The following RPTOR variants were observed in gnomAD, a reference collection of about 807,000 sequenced individuals.
RPTOR encodes regulatory associated protein of MTOR complex 1.
Under a neutral mutation model 169.9 loss-of-function variants are expected in RPTOR, and 21 were observed. The ratio of observed to expected loss-of-function variants is 0.12; its 90% CI spans 0.09 to 0.18. The LOEUF is 0.18. Ranked by LOEUF, RPTOR falls within the 10% of genes least tolerant of loss-of-function variation. The probability of loss-of-function intolerance (pLI) is 1.00; values close to 1 mark genes in which losing one functional copy is unlikely to be tolerated. For missense variants in RPTOR, 1,133 were observed against 1,855.9 expected (o/e 0.61, Z 7.16); for synonymous variants, 732 against 753.2 (o/e 0.97, Z 0.46).
chr17:80,795,790 C>A (rs1206164461), intron 7 of RPTOR, among the ~76,000 whole-genome samples: 6 of 152,114 alleles, frequency 3.9e-5, no homozygotes, highest in African/African-American at 1.2e-4. Flanking sequence ...GGACACCACT[C>A]GGCTCTCATC....
Position 80,878,342 on chromosome 17 carries a change from C to T in RPTOR, c.1510-2073C>T, listed in dbSNP as rs1013346572. Among the ~76,000 whole-genome samples the T allele has an allele frequency of 6.6e-6, 1 of 152,114 alleles. No homozygotes were observed. Among genetic ancestry groups the T allele is most frequent in the Non-Finnish European group, 1.5e-5 (1 of 68,022 alleles). ...GTGGTTTCATCTCTGACTCCACGAC[C>T]TGAGCACAGATTTTTTTTTTTTGAG... is the stretch of plus-strand genomic sequence containing the variant. On this transcript the variant is annotated intron_variant, in intron 13 of 33. Transcript: ENST00000306801. The surrounding 1 kb of genome is among the most constrained non-coding windows in gnomAD (Gnocchi z 4.1).
At chr17:80,864,584 T>C (rs1408020931) in intron 13 of RPTOR, among the ~76,000 whole-genome samples, 1 of 152,200 alleles carries the variant, frequency 6.6e-6, no homozygotes, top group African/African-American at 2.4e-5. Flanking sequence ...TAAAGACTTT[T>C]AAAGACATAC....
At position 80,700,739 on chromosome 17, in the gene RPTOR, G is replaced by GTGA. The variant is rs796316577; in HGVS notation, c.349-7100_349-7099insATG. On this transcript the variant is annotated intron_variant, in intron 3 of 33. Transcript: ENST00000306801. ...GGTGGTGGTGGTGGTGATGATGGTG[G>GTGA]TGGTGGTGGTGGTGATGATGGTGAT... 1.4e-3 allele frequency among the ~76,000 whole-genome samples: 15 copies of GTGA among 10,670 alleles called. 1 individual carries two copies. The highest frequency in any genetic ancestry group is 1.2e-3 in the Non-Finnish European group (6 of 4,972). The allele number at this position is 10,670 out of a possible 152,430, so 7.0% of individuals were successfully genotyped here.
At chr17:80,774,359 C>A (rs550689303) in intron 6 of RPTOR, 1 of 984,908 alleles carries the variant, frequency 1.0e-6, no homozygotes, top group South Asian at 4.7e-5. Context: ...TATCATATTT[C>A]ACAATCCACA....
chr17:80,638,933 C>T (rs71389764), intron 2 of RPTOR, among the ~76,000 whole-genome samples: 2 of 152,198 alleles, frequency 1.3e-5, no homozygotes, highest in African/African-American at 2.4e-5. Flanking sequence ...GTACGGCTCC[C>T]GTCCTAGTCC....
At chr17:80,945,584 T>A in intron 25 of RPTOR, 83 bp from the exon 26 acceptor site, 1 of 858,102 alleles carries the variant, frequency 1.2e-6, no homozygotes, top group Non-Finnish European at 1.8e-6. Context: ...AGAGCGAGAC[T>A]CCGTCTCAAA....
At chr17:80,744,976 T>C (rs1192519523) in intron 5 of RPTOR, among the ~76,000 whole-genome samples, 3 of 152,258 alleles carry the variant, frequency 2.0e-5, no homozygotes, top group Non-Finnish European at 4.4e-5. Flanking sequence ...AGCAGAGCCC[T>C]GGTTACTAGC....
In RPTOR at chr17:80,620,857, G is replaced by A. The variant is rs542602518; in HGVS notation, c.163-4834G>A. Among the ~76,000 whole-genome samples, 3 of 152,334 alleles carry A rather than the reference G, an allele frequency of 2.0e-5. No homozygotes were observed. The South Asian group carries it at 6.2e-4, about 32-fold the overall frequency. ...CAAGACGTATTTTTTTTGGCTTAAG[G>A]ATATGTGATAGTACTGTCTTTTGCC... is the stretch of plus-strand genomic sequence containing the variant. On this transcript the variant is annotated intron_variant, in intron 1 of 33. Transcript: ENST00000306801.
At chr17:80,660,101 T>C (rs893277073) in intron 3 of RPTOR, among the ~76,000 whole-genome samples, 2 of 152,000 alleles carry the variant, frequency 1.3e-5, no homozygotes, top group Admixed American at 6.6e-5. Context: ...TGAAACCCTG[T>C]CTCTACTAAA....
At chr17:80,842,168 G>GAGCCAGACTC (rs2067678458) in intron 10 of RPTOR, among the ~76,000 whole-genome samples, 2 of 152,244 alleles carry the variant, frequency 1.3e-5, no homozygotes, top group Non-Finnish European at 2.9e-5. Flanking sequence ...CTCACTAACA[G>GAGCCAGACTC]TGCTGGCTAG....
chr17:80,736,934 CT>C (rs1417443056), intron 5 of RPTOR, among the ~76,000 whole-genome samples: 1 of 152,334 alleles, frequency 6.6e-6, no homozygotes, highest in East Asian at 1.9e-4. Context: ...CTGTATTTCT[CT>C]TTCAAGCAAT....
intron 33 of RPTOR, 105 bp from the exon 34 acceptor site, chr17:80,964,157 C>T (rs1277993698): frequency 5.0e-6 from 5 of 999,604 alleles, no homozygotes; most frequent in African/African-American, 3.1e-5. Flanking sequence ...GTTCCTGAGA[C>T]CCCGGCAGGA....
At chr17:80,599,105 T>C (rs2065167148) in intron 1 of RPTOR, among the ~76,000 whole-genome samples, 1 of 152,154 alleles carries the variant, frequency 6.6e-6, no homozygotes, top group South Asian at 2.1e-4. Context: ...CCTTGACACT[T>C]CTGCCATTGT....
intron 13 of RPTOR, among the ~76,000 whole-genome samples, chr17:80,859,615 T>C (rs1159102026): frequency 6.6e-6 from 1 of 152,174 alleles, no homozygotes; most frequent in Non-Finnish European, 1.5e-5. Flanking sequence ...AGGCTGGCTT[T>C]GCTCCCTGCT....
intron 5 of RPTOR, among the ~76,000 whole-genome samples, chr17:80,740,871 C>G (rs2066476300): frequency 6.6e-6 from 1 of 152,212 alleles, no homozygotes. Context: ...CAAGGATATC[C>G]ATTCTTATCA....
chr17:80,663,400 CTCTT>C (rs34455071), intron 3 of RPTOR, among the ~76,000 whole-genome samples: 36,157 of 151,998 alleles, frequency 0.24, 5,315 homozygotes, highest in East Asian at 0.41. Flanking sequence ...CAAAAATCAT[CTCTT>C]TCTTTGCAAA....
chr17:80,655,926 T>A (rs1290944529), intron 3 of RPTOR, among the ~76,000 whole-genome samples: 1 of 152,010 alleles, frequency 6.6e-6, no homozygotes, highest in Non-Finnish European at 1.5e-5. Flanking sequence ...GATCTGCCCC[T>A]CCTCCACTCA....
At chr17:80,781,257 A>C (rs932716926) in intron 6 of RPTOR, among the ~76,000 whole-genome samples, 1 of 152,150 alleles carries the variant, frequency 6.6e-6, no homozygotes, top group African/African-American at 2.4e-5. Flanking sequence ...TGTTTTAATT[A>C]ATTTTTTTAA....
chr17:80,622,997 A>G (rs970093026), intron 1 of RPTOR, among the ~76,000 whole-genome samples: 1 of 152,186 alleles, frequency 6.6e-6, no homozygotes, highest in African/African-American at 2.4e-5. Context: ...TTTTTCCTAT[A>G]CAACTTTAAA....
Sources: gnomAD v4.1 joint callset for allele counts (sites outside exome capture counted in the v4.1 genomes callset) on GRCh38, gnomAD v4.1.1 for gene constraint, Gnocchi (gnomAD v3.1) non-coding constraint, MANE v1.5 for transcripts, NCBI Gene and HGNC (gene_info 2026-07-23, HGNC 2026-07-21) for gene names.